Variants in SLC9A9 observed in about 807,000 individuals in gnomAD.
SLC9A9 encodes sodium/hydrogen exchanger 9.
SLC9A9 carries 62 observed loss-of-function variants against 77.8 expected under a neutral mutation model. That is an observed-to-expected ratio of 0.80 (90% CI 0.65 to 0.98). The LOEUF (loss-of-function observed/expected upper bound fraction) is 0.98, where lower values mean the gene tolerates loss of function less well. SLC9A9 is among the 50% of genes least tolerant of loss of function. SLC9A9 has a pLI of 0.00. For synonymous variants in SLC9A9, 320 were observed against 283.5 expected, an observed-to-expected ratio of 1.13 and a Z score of -1.29; for missense variants, 775 against 774.9, an observed-to-expected ratio of 1.00 and a Z score of 0.00.
At chr3:143,786,847 A>T (rs544676582) in intron 4 of SLC9A9, among the ~76,000 whole-genome samples, 1 of 152,260 alleles carries the variant, frequency 6.6e-6, no homozygotes, top group Non-Finnish European at 1.5e-5. Context: ...CAGCCTCCCT[A>T]AGCTCTGCTG....
intron 14 of SLC9A9, among the ~76,000 whole-genome samples, chr3:143,357,718 C>T (rs1221136985): frequency 6.6e-6 from 1 of 152,124 alleles, no homozygotes. Flanking sequence ...CTTGGATGTG[C>T]CTTTTTCCTC....
chr3:143,795,724 G>A (rs1269333430), intron 3 of SLC9A9, among the ~76,000 whole-genome samples: 1 of 152,146 alleles, frequency 6.6e-6, no homozygotes, highest in Non-Finnish European at 1.5e-5. Context: ...GGGAGACTGT[G>A]TCTCCAAAAC....
intron 5 of SLC9A9, among the ~76,000 whole-genome samples, chr3:143,662,755 G>T (rs1560018854): frequency 2.0e-5 from 3 of 152,242 alleles, no homozygotes; most frequent in South Asian, 2.1e-4. Context: ...TGGGGGAGGG[G>T]TGTCTGCCAT....
chr3:143,351,007 C>T (rs1054719409), intron 14 of SLC9A9, among the ~76,000 whole-genome samples: 5 of 152,210 alleles, frequency 3.3e-5, no homozygotes, highest in Non-Finnish European at 4.4e-5. Context: ...CCCTGCTCAA[C>T]TTGCTGGGTA....
intron 1 of SLC9A9, among the ~76,000 whole-genome samples, chr3:143,841,789 C>T (rs56332272): frequency 0.9 from 134,391 of 149,506 alleles, 60,701 homozygotes; most frequent in South Asian, 0.98. Flanking sequence ...ACAGTCTTCC[C>T]GTCACCTAGG....
chr3:143,744,223 T>C (rs1393220486), intron 4 of SLC9A9, among the ~76,000 whole-genome samples: 6 of 152,190 alleles, frequency 3.9e-5, no homozygotes, highest in Non-Finnish European at 7.3e-5. Context: ...CCTAACTATG[T>C]GCCAGTTGCA....
chr3:143,273,991 GA>G (rs1411311507), intron 14 of SLC9A9, among the ~76,000 whole-genome samples: 9 of 152,176 alleles, frequency 5.9e-5, no homozygotes, highest in Admixed American at 1.3e-4. Context: ...ATTTGTCTCT[GA>G]ACCCAGACAT....
chr3:143,290,264 C>T (rs1363955184), intron 14 of SLC9A9, among the ~76,000 whole-genome samples: 1 of 152,202 alleles, frequency 6.6e-6, no homozygotes, highest in African/African-American at 2.4e-5. Flanking sequence ...GATGTGTGGT[C>T]ACTCCCTAAT....
At chr3:143,525,322 T>A (rs16853716) in intron 9 of SLC9A9, among the ~76,000 whole-genome samples, 15,257 of 152,212 alleles carry the variant, frequency 0.1, 1,405 homozygotes, top group East Asian at 0.43. Flanking sequence ...GCATTGATTA[T>A]ATGCCAAATG....
chr3:143,315,370 C>A (rs1048188854), intron 14 of SLC9A9, among the ~76,000 whole-genome samples: 1 of 152,174 alleles, frequency 6.6e-6, no homozygotes. Context: ...AGGGCTCTAA[C>A]GGCAACATGT....
chr3:143,615,851 G>A (rs1173695151), intron 6 of SLC9A9, among the ~76,000 whole-genome samples: 3 of 151,564 alleles, frequency 2.0e-5, no homozygotes, highest in Non-Finnish European at 2.9e-5. Context: ...AGGAAAAATT[G>A]AGTCTTCATC....
intron 4 of SLC9A9, among the ~76,000 whole-genome samples, chr3:143,777,315 C>G (rs1421678444): frequency 6.6e-6 from 1 of 152,184 alleles, no homozygotes; most frequent in African/African-American, 2.4e-5. Flanking sequence ...GTATCAAACT[C>G]TCTCTTCTGC....
intron 4 of SLC9A9, among the ~76,000 whole-genome samples, chr3:143,700,207 C>T (rs1211010888): frequency 6.6e-6 from 1 of 152,080 alleles, no homozygotes; most frequent in Non-Finnish European, 1.5e-5. Context: ...ATGTCATGGG[C>T]CTTGGGTGAG....
chr3:143,476,236 T>G (rs1037994139), intron 11 of SLC9A9, among the ~76,000 whole-genome samples: 2 of 152,212 alleles, frequency 1.3e-5, no homozygotes, highest in African/African-American at 4.8e-5. Context: ...GCCAACAGAT[T>G]GTTTTCAGTA....
At chr3:143,786,436 A>G (rs1236327645) in intron 4 of SLC9A9, among the ~76,000 whole-genome samples, 1 of 152,078 alleles carries the variant, frequency 6.6e-6, no homozygotes, top group African/African-American at 2.4e-5. Context: ...TTACTGCAAC[A>G]TCTTCGAGGT....
At chr3:143,573,428 C>A (rs1035507043) in intron 8 of SLC9A9, among the ~76,000 whole-genome samples, 5 of 152,076 alleles carry the variant, frequency 3.3e-5, no homozygotes, top group African/African-American at 1.2e-4. Context: ...GTTGCAGTAA[C>A]CCAAGCACAA....
chr3:143,277,171 A>T (rs1359178683), intron 14 of SLC9A9, among the ~76,000 whole-genome samples: 1 of 152,224 alleles, frequency 6.6e-6, no homozygotes, highest in Non-Finnish European at 1.5e-5. Flanking sequence ...AGTAGGGCAG[A>T]TGGACACAAG....
intron 5 of SLC9A9, 119 bp from the exon 6 acceptor site, chr3:143,652,479 T>C: frequency 1.3e-6 from 1 of 768,232 alleles, no homozygotes; most frequent in South Asian, 1.5e-5. Context: ...CCAATGACTA[T>C]ACTAACACCA....
chr3:143,616,788 T>G (rs2038113928), intron 6 of SLC9A9, among the ~76,000 whole-genome samples: 1 of 152,122 alleles, frequency 6.6e-6, no homozygotes, highest in Admixed American at 6.5e-5. Context: ...TAGAAACCTC[T>G]CATAAATATG....
Sources: gnomAD v4.1 joint callset for allele counts (sites outside exome capture counted in the v4.1 genomes callset) on GRCh38, gnomAD v4.1.1 for gene constraint, MANE v1.5 for transcripts, NCBI Gene and HGNC (gene_info 2026-07-23, HGNC 2026-07-21) for gene names.